Variants in RANBP9 observed in about 807,000 individuals in gnomAD.
RANBP9 encodes the protein ran-binding protein 9.
RANBP9 carries 15 observed loss-of-function variants against 84.3 expected under a neutral mutation model. That is an observed-to-expected ratio of 0.18 (90% CI 0.12 to 0.27). The LOEUF is 0.27. Among genes scored for constraint, RANBP9 ranks in the 10% least tolerant of loss-of-function variants. RANBP9 has a pLI of 1.00. For synonymous variants in RANBP9, 392 were observed against 349.6 expected, an observed-to-expected ratio of 1.12 and a Z score of -1.35; for missense variants, 809 against 912.8, an observed-to-expected ratio of 0.89 and a Z score of 1.46.
intron 8 of RANBP9, among the ~76,000 whole-genome samples, chr6:13,640,515 A>G (rs1050562725): frequency 2.0e-5 from 3 of 152,234 alleles, no homozygotes; most frequent in African/African-American, 7.2e-5. Context: ...TTAAGTGTCC[A>G]TCAGTGGATG....
intron 2 of RANBP9, 107 bp from the exon 3 acceptor site, chr6:13,658,939 C>A: frequency 9.2e-7 from 1 of 1,091,230 alleles, no homozygotes; most frequent in Non-Finnish European, 1.4e-6. Flanking sequence ...CAAGTTGGAA[C>A]TCCTAAGGTA....
chr6:13,664,514 A>G (rs1241693816), intron 2 of RANBP9, among the ~76,000 whole-genome samples: 3 of 152,078 alleles, frequency 2.0e-5, no homozygotes, highest in African/African-American at 7.2e-5. Flanking sequence ...AAGCTGATTA[A>G]TGAATGTACA....
chr6:13,658,896 CCAAACAGTCT>C lies in RANBP9; in HGVS notation c.684-74_684-65del, dbSNP rs1423020970. 14 of 1,441,996 alleles carry C rather than the reference CCAAACAGTCT, an allele frequency of 9.7e-6. No homozygotes were observed. The Admixed American group carries it at 1.3e-4, about 14-fold the overall frequency. The allele number at this position is 1,441,996 out of a possible 1,614,324, so 89.3% of individuals were successfully genotyped here. ...ATTACAGTCATATATGTATAAATTA[CCAAACAGTCT>C]CAAACAATATCAGAACCAAGCCCAA... is the stretch of plus-strand genomic sequence containing the variant. On this transcript the variant is annotated intron_variant, in intron 2 of 13. Coordinates refer to ENST00000011619, the MANE Select transcript of RANBP9 (RefSeq NM_005493.3).
chr6:13,637,436 C>A (rs1157240905), intron 10 of RANBP9, among the ~76,000 whole-genome samples: 1 of 152,072 alleles, frequency 6.6e-6, no homozygotes. Flanking sequence ...CTTATGTCAC[C>A]GTTCAAGGTT....
intron 10 of RANBP9, 147 bp from the exon 11 acceptor site, chr6:13,634,699 G>T: frequency 1.2e-6 from 1 of 857,464 alleles, no homozygotes; most frequent in Non-Finnish European, 1.7e-6. Flanking sequence ...GTTAAATCTT[G>T]AACGTATTCA....
intron 12 of RANBP9, among the ~76,000 whole-genome samples, chr6:13,628,513 G>A (rs1671589851): frequency 6.6e-6 from 1 of 152,166 alleles, no homozygotes. Context: ...GGTTTTAAAT[G>A]AAGGAAACCA....
intron 1 of RANBP9, among the ~76,000 whole-genome samples, chr6:13,707,567 G>A (rs1758158704): frequency 1.3e-5 from 2 of 152,144 alleles, no homozygotes; most frequent in African/African-American, 4.8e-5. Flanking sequence ...AATACTATGG[G>A]ATTGTGAAAA....
intron 2 of RANBP9, among the ~76,000 whole-genome samples, chr6:13,660,916 G>A (rs914440729): frequency 1.3e-5 from 2 of 152,210 alleles, no homozygotes; most frequent in African/African-American, 4.8e-5. Context: ...GTCACAAGAA[G>A]ATGAGAAGAA....
At chr6:13,683,683 G>T (rs527588634) in intron 2 of RANBP9, among the ~76,000 whole-genome samples, 1 of 150,794 alleles carries the variant, frequency 6.6e-6, no homozygotes, top group Non-Finnish European at 1.5e-5. Flanking sequence ...TTAAAAATAT[G>T]TTATTTTTTT....
chr6:13,624,311 G>A (rs1045845104), intron 13 of RANBP9, among the ~76,000 whole-genome samples: 7 of 152,042 alleles, frequency 4.6e-5, no homozygotes, highest in African/African-American at 1.7e-4. Flanking sequence ...AAGAGTCCTG[G>A]CCCTCATTGC....
At chr6:13,636,903 A>G (rs1764952448) in intron 10 of RANBP9, among the ~76,000 whole-genome samples, 1 of 152,196 alleles carries the variant, frequency 6.6e-6, no homozygotes, top group Admixed American at 6.5e-5. Context: ...TCATATTTCC[A>G]TTAAGATTCC....
chr6:13,644,351 T>TGTCAA (rs1225596289), intron 6 of RANBP9, among the ~76,000 whole-genome samples, 194 bp downstream of exon 6: 1 of 152,236 alleles, frequency 6.6e-6, no homozygotes, highest in African/African-American at 2.4e-5. Context: ...TCTGTACGTG[T>TGTCAA]GTCAAACAAT....
At chr6:13,701,836 C>T (rs755443910) in intron 1 of RANBP9, among the ~76,000 whole-genome samples, 12 of 152,010 alleles carry the variant, frequency 7.9e-5, no homozygotes, top group Admixed American at 3.3e-4. Context: ...CAACTCTCCA[C>T]TCTTTTATTA....
Position 13,648,730 on chromosome 6 carries a change from C to A in RANBP9, c.927+3929G>T, listed in dbSNP as rs527313612. On this transcript the variant is annotated intron_variant, in intron 5 of 13. Transcript: ENST00000011619. ...ATCTCTTTTAATAAAAATGACTATACAAATAATGTATCCACAAAAAGTAGA... is the reference window on the plus strand; with the variant it reads ...ATCTCTTTTAATAAAAATGACTATAAAAATAATGTATCCACAAAAAGTAGA... Among the ~76,000 whole-genome samples the A allele has an allele frequency of 3.9e-5, 6 of 152,246 alleles. No individual in the cohort carries two copies. The East Asian group carries it at 9.6e-4, about 24-fold the overall frequency.
At chr6:13,667,543 A>G (rs920130953) in intron 2 of RANBP9, among the ~76,000 whole-genome samples, 1 of 152,238 alleles carries the variant, frequency 6.6e-6, no homozygotes, top group Admixed American at 6.5e-5. Context: ...CAATAGTCCT[A>G]TAAGATTATA....
rs1233022807 is a variant in RANBP9, at chr6:13,622,504, T to C, written c.2060-12A>G. ...CAGATTGTGGGTTTCTGAGGAAAAA[T>C]AATTTAAAAATGAGAACAGCAATTA... On this transcript the variant is annotated splice_polypyrimidine_tract_variant and intron_variant, in intron 13 of 13. Transcript: ENST00000011619. 3.9e-6 allele frequency: 6 copies of C among 1,549,736 alleles called. No individual in the cohort carries two copies. In the African/African-American group the frequency reaches 8.3e-5, roughly 22 times the overall value.
intron 2 of RANBP9, among the ~76,000 whole-genome samples, chr6:13,686,137 C>T (rs1247672622): frequency 5.6e-4 from 62 of 111,580 alleles, no homozygotes; most frequent in African/African-American, 2.0e-3. Flanking sequence ...TAGAGTCTCA[C>T]TCTGTAGCCT....
intron 1 of RANBP9, among the ~76,000 whole-genome samples, chr6:13,706,987 T>C (rs909155671): frequency 1.3e-3 from 181 of 138,188 alleles, no homozygotes; most frequent in African/African-American, 4.7e-3. Context: ...GCCTGGACGA[T>C]AGAGCAAGAC....
chr6:13,688,014 TTGCTG>T (rs1437360265), intron 2 of RANBP9, among the ~76,000 whole-genome samples: 2 of 152,220 alleles, frequency 1.3e-5, no homozygotes, highest in Admixed American at 1.3e-4. Context: ...AGACACGAGT[TTGCTG>T]TGCACCAGGC....
Sources: allele counts gnomAD v4.1 joint callset (sites outside exome capture counted in the v4.1 genomes callset), GRCh38; gene constraint gnomAD v4.1.1; transcripts MANE v1.5; gene names NCBI Gene and HGNC (gene_info 2026-07-23, HGNC 2026-07-21).